Variants in CAGE1 observed in about 807,000 individuals in gnomAD.
CAGE1 encodes cancer antigen 1.
Under a neutral mutation model 94.9 loss-of-function variants are expected in CAGE1, and 66 were observed. That is an observed-to-expected ratio of 0.70 (90% confidence interval 0.57 to 0.85). The LOEUF (loss-of-function observed/expected upper bound fraction) is 0.85, where lower values mean the gene tolerates loss of function less well. Among genes scored for constraint, CAGE1 ranks in the 40% least tolerant of loss-of-function variants. The pLI is 0.00. For synonymous variants in CAGE1, 319 were observed against 321.0 expected, an observed-to-expected ratio of 0.99 and a Z score of 0.07; for missense variants, 865 against 950.4, an observed-to-expected ratio of 0.91 and a Z score of 1.18.
chr6:7,368,252 CAAAAAAAA>C (rs57530544), intron 7 of CAGE1, among the ~76,000 whole-genome samples: 54 of 84,418 alleles, frequency 6.4e-4, no homozygotes, highest in African/African-American at 2.4e-3. Flanking sequence ...GACTCTGTCT[CAAAAAAAA>C]AAAAAAAAAA....
At position 7,341,594 on chromosome 6, in the gene CAGE1, A is replaced by G. The variant is rs529823050; in HGVS notation, c.2370-7504T>C. On this transcript the variant is annotated intron_variant, in intron 11 of 13. Coordinates refer to ENST00000502583, the MANE Select transcript of CAGE1 (RefSeq NM_001170692.2). ...CTAGCTTTAAGCAGGGCTTCCTCTAACTTGTCCACAGCAAGGTGGAACAGA... is the reference window on the plus strand; with the variant it reads ...CTAGCTTTAAGCAGGGCTTCCTCTAGCTTGTCCACAGCAAGGTGGAACAGA... 3.2e-6 allele frequency: 3 copies of G among 932,334 alleles called. No homozygotes were observed. In the Admixed American group the frequency reaches 5.2e-5, roughly 16 times the overall value. The allele number at this position is 932,334 out of a possible 1,614,324, so 57.8% of individuals were successfully genotyped here.
intron 3 of CAGE1, among the ~76,000 whole-genome samples, chr6:7,383,057 C>T (rs146733264): frequency 3.3e-5 from 5 of 149,800 alleles, no homozygotes; most frequent in Admixed American, 2.0e-4. Flanking sequence ...ATCATGGGAA[C>T]GGTTTTCCCC....
chr6:7,341,691 G>T (rs1241725925), intron 11 of CAGE1: 4 of 712,826 alleles, frequency 5.6e-6, no homozygotes, highest in Non-Finnish European at 1.1e-5. Context: ...ACAGGCAGGA[G>T]CTAAAGTCAA....
chr6:7,338,298 T>A (rs1404858103), intron 11 of CAGE1, among the ~76,000 whole-genome samples: 3 of 152,200 alleles, frequency 2.0e-5, no homozygotes, highest in Middle Eastern at 3.2e-3. Context: ...TCCAGTACAA[T>A]GTGAATGTAC....
At chr6:7,358,050 A>ATATG (rs1760033412) in intron 9 of CAGE1, among the ~76,000 whole-genome samples, 1 of 120,848 alleles carries the variant, frequency 8.3e-6, no homozygotes, top group Non-Finnish European at 1.7e-5. Context: ...ATATATATAT[A>ATATG]TATATATATA....
intron 11 of CAGE1, chr6:7,347,516 T>TGGGGGGGG (rs1292213281): frequency 1.3e-3 from 10 of 7,534 alleles, no homozygotes; most frequent in African/African-American, 1.6e-3. Context: ...GGGGGGGGGT[T>TGGGGGGGG]GGGGGGGGCG....
At position 7,373,222 on chromosome 6, in the gene CAGE1, G is replaced by A. The variant is rs1192229957; in HGVS notation, c.1597C>T (p.Leu533Phe). 6.2e-7 allele frequency: 1 copy of A among 1,610,874 alleles called. No homozygotes were observed. ...SENERTKNIK[L>F]QQQINEVKNE... The stretch of plus-strand genomic sequence containing the variant: ...TTTACTTCGTTGATTTGCTGCTGAA[G>A]TTTTATATTCTTCGTTCTTTCATTT... Residue 533 changes from leucine (L) to phenylalanine (F), a missense_variant, in exon 5 of 14, where the codon CTT (leucine) becomes TTT (phenylalanine). Physicochemically the swap from Leu to Phe is conservative, Grantham distance 22 (BLOSUM62 0). Transcript: ENST00000502583.
chr6:7,329,652 A>G (rs1758676329), intron 13 of CAGE1, among the ~76,000 whole-genome samples, 197 bp downstream of exon 13: 3 of 152,148 alleles, frequency 2.0e-5, no homozygotes, highest in African/African-American at 7.2e-5. Flanking sequence ...AAGGAGCCCT[A>G]CAAGATTAGA....
intron 4 of CAGE1, among the ~76,000 whole-genome samples, chr6:7,376,504 A>G (rs866366199): frequency 2.6e-5 from 4 of 152,152 alleles, no homozygotes; most frequent in Admixed American, 1.3e-4. Context: ...ACCTCCCACC[A>G]TGAAATGACA....
chr6:7,346,857 CAAAAAAAA>C (rs71780305), intron 11 of CAGE1, among the ~76,000 whole-genome samples: 1 of 119,804 alleles, frequency 8.3e-6, no homozygotes. Context: ...GACTCTATCT[CAAAAAAAA>C]AAAAAGAAGA....
chr6:7,348,678 G>A (rs1759653607), intron 11 of CAGE1, among the ~76,000 whole-genome samples: 2 of 151,978 alleles, frequency 1.3e-5, no homozygotes. Context: ...GATAAAAGAA[G>A]TGAAGGGAGA....
At chr6:7,328,886 G>C (rs1425465445) in intron 13 of CAGE1, among the ~76,000 whole-genome samples, 6 of 83,062 alleles carry the variant, frequency 7.2e-5, no homozygotes, top group South Asian at 4.2e-4. Flanking sequence ...GTGTGTGTGT[G>C]TGTGTGTGTG....
At chr6:7,333,828 C>T (rs892499796) in intron 12 of CAGE1, among the ~76,000 whole-genome samples, 194 bp downstream of exon 12, 1 of 151,626 alleles carries the variant, frequency 6.6e-6, no homozygotes, top group Non-Finnish European at 1.5e-5. Flanking sequence ...CCACCATGCC[C>T]GGCTAATTTT....
rs547006140 is a variant in CAGE1, at chr6:7,338,902, G to T, written c.2370-4812C>A. The T allele has an allele frequency of 1.5e-4, 224 of 1,517,240 alleles. No homozygotes were observed. The African/African-American group carries it at 4.3e-3, about 29-fold the overall frequency. 94.0% of individuals were successfully genotyped at this position (1,517,240 alleles called of 1,614,324 possible). Reference sequence around the variant, plus strand: ...GCTTCCCACCCTTCTGTTCTGAGATGGGGGTGGTGGGCAGTTATCTCATCT... The same window carrying T: ...GCTTCCCACCCTTCTGTTCTGAGATTGGGGTGGTGGGCAGTTATCTCATCT... On this transcript the variant is annotated intron_variant, in intron 11 of 13. Transcript: ENST00000502583.
At position 7,358,666 on chromosome 6, in the gene CAGE1, C is replaced by T. The variant is rs1760064887; in HGVS notation, c.2194-2537G>A. Among the ~76,000 whole-genome samples, 3 of 152,204 alleles carry T rather than the reference C, an allele frequency of 2.0e-5. 1 individual carries two copies. The highest frequency in any genetic ancestry group is 6.5e-5 in the Admixed American group (1 of 15,302). On this transcript the variant is annotated intron_variant, in intron 9 of 13. Coordinates refer to ENST00000502583, the MANE Select transcript of CAGE1 (RefSeq NM_001170692.2). ...GGCTGGCTTAGGCAACATAGCAAGA[C>T]TCCAGCTCTACAAAAAAAATTTTTT...
At position 7,328,914 on chromosome 6, in the gene CAGE1, G is replaced by A. The variant is rs866908568; in HGVS notation, c.2478+935C>T. Among the ~76,000 whole-genome samples the A allele has an allele frequency of 4.6e-4, 23 of 49,608 alleles. 1 individual carries two copies. Among genetic ancestry groups the A allele is most frequent in the Middle Eastern group, 0.017 (2 of 120 alleles). The allele number at this position is 49,608 out of a possible 152,430, so 32.5% of individuals were successfully genotyped here. A position where few individuals can be genotyped will look rare whatever the true frequency, so the allele number is the denominator to read the frequency against. On this transcript the variant is annotated intron_variant, in intron 13 of 13. Transcript: ENST00000502583. Reference sequence around the variant, plus strand: ...TGTGTGTGTGTGTGTGTGTGTGTGTGTGTGTATATATATATATATATTTTT... The same window carrying A: ...TGTGTGTGTGTGTGTGTGTGTGTGTATGTGTATATATATATATATATTTTT...
chr6:7,389,105 C>CT (rs1761242368), intron 1 of CAGE1, 97 bp downstream of exon 1: 1 of 350,154 alleles, frequency 2.9e-6, no homozygotes, highest in African/African-American at 2.1e-5. Flanking sequence ...CATTCTAAAG[C>CT]TGTTTTAAGA....
intron 11 of CAGE1, among the ~76,000 whole-genome samples, chr6:7,349,383 C>G (rs888110693): frequency 6.6e-6 from 1 of 152,150 alleles, no homozygotes; most frequent in African/African-American, 2.4e-5. Flanking sequence ...CACTACCAAG[C>G]CACCACTACA....
chr6:7,331,155 C>G (rs1232118131), intron 12 of CAGE1: 2 of 237,258 alleles, frequency 8.4e-6, no homozygotes, highest in African/African-American at 4.5e-5. Context: ...TTTTTTACAT[C>G]TTTAATGAAA....
Sources: allele counts gnomAD v4.1 joint callset (sites outside exome capture counted in the v4.1 genomes callset), GRCh38; gene constraint gnomAD v4.1.1; transcripts MANE v1.5; gene names NCBI Gene and HGNC (gene_info 2026-07-23, HGNC 2026-07-21).